The following MRPL48 variants were observed in gnomAD, a reference collection of about 807,000 sequenced individuals.
The protein encoded by MRPL48 is mitochondrial ribosomal protein L48, also known as large ribosomal subunit protein mL48.
A neutral mutation model predicts 32.9 loss-of-function variants in MRPL48; 16 were observed. That is an observed-to-expected ratio of 0.49 (90% CI 0.33 to 0.74). MRPL48 has a LOEUF of 0.74. MRPL48 is among the 30% of genes least tolerant of loss of function. The pLI, the probability that MRPL48 is intolerant of heterozygous loss-of-function variation, is 0.02. For synonymous variants in MRPL48, 94 were observed against 89.2 expected (o/e 1.05, Z -0.31); for missense variants, 206 against 245.3 (o/e 0.84, Z 1.07).
intron 1 of MRPL48, among the ~76,000 whole-genome samples, chr11:73,793,455 A>G (rs1420520285): frequency 1.3e-5 from 2 of 152,236 alleles, no homozygotes; most frequent in African/African-American, 2.4e-5. Context: ...AGGGTGCTAT[A>G]TGACTGTGTA....
Position 73,836,039 on chromosome 11 carries a change from T to C in MRPL48, c.202-8768T>C, listed in dbSNP as rs957234644. On this transcript the variant is annotated intron_variant, in intron 4 of 7. Coordinates refer to ENST00000310614, the MANE Select transcript of MRPL48 (RefSeq NM_016055.6). ...ACCTTTTCCTCCTGGGTTCAAGCAA[T>C]TCTTGTGCCTCGGTTTCCTGAGTAG... 7.9e-5 allele frequency among the ~76,000 whole-genome samples: 12 copies of C among 152,070 alleles called. 1 individual carries two copies. The highest frequency in any genetic ancestry group is 7.2e-4 in the Admixed American group (11 of 15,276).
chr11:73,807,360 C>T (rs1466583048), intron 2 of MRPL48, among the ~76,000 whole-genome samples: 1 of 149,714 alleles, frequency 6.7e-6, no homozygotes, highest in African/African-American at 2.5e-5. Context: ...TTATTGAGGG[C>T]TTTCTCCCTT....
intron 4 of MRPL48, among the ~76,000 whole-genome samples, chr11:73,828,580 G>T (rs1947941583): frequency 6.6e-6 from 1 of 152,132 alleles, no homozygotes; most frequent in South Asian, 2.1e-4. Flanking sequence ...CTCAGAGGGA[G>T]CTGTTAAACC....
intron 2 of MRPL48, among the ~76,000 whole-genome samples, chr11:73,807,987 T>G (rs1947489020): frequency 6.6e-6 from 1 of 152,158 alleles, no homozygotes. Flanking sequence ...ACCTCCCTAG[T>G]AGGAGTGACC....
rs1200117981 is a variant in MRPL48 at position 73,865,011 on chromosome 11, T to A, written c.*641T>A. ...TTTTACCATGTTAGCCAAGATGGTCTCGATCTCCTGACCTCGTGATCCGCC... is the reference window on the plus strand; with the variant it reads ...TTTTACCATGTTAGCCAAGATGGTCACGATCTCCTGACCTCGTGATCCGCC... On this transcript the variant is annotated 3_prime_UTR_variant, in exon 8 of 8. Transcript: ENST00000310614. 1 of 152,602 alleles carries A rather than the reference T, an allele frequency of 6.6e-6. No homozygotes were observed. Among genetic ancestry groups the A allele is most frequent in the Admixed American group, 6.5e-5 (1 of 15,292 alleles). The allele number at this position is 152,602 out of a possible 1,614,324, so 9.5% of individuals were successfully genotyped here.
chr11:73,840,819 AT>A (rs1271092030), intron 4 of MRPL48, among the ~76,000 whole-genome samples: 3 of 152,150 alleles, frequency 2.0e-5, no homozygotes, highest in African/African-American at 7.2e-5. Flanking sequence ...TCACAAAAAA[AT>A]AAAATAAAAT....
chr11:73,814,993 C>CATAAATAAATAA (rs142219300), intron 3 of MRPL48, among the ~76,000 whole-genome samples: 2,877 of 149,116 alleles, frequency 0.019, 29 homozygotes, highest in African/African-American at 0.028. Context: ...GACTTGGTCT[C>CATAAATAAATAA]ATAAATAAAT....
intron 1 of MRPL48, among the ~76,000 whole-genome samples, chr11:73,801,405 C>G (rs538745762): frequency 6.6e-6 from 1 of 152,072 alleles, no homozygotes; most frequent in Admixed American, 6.6e-5. Context: ...TCCTGGGGCC[C>G]CAGTTTCCTA....
chr11:73,816,933 C>A (rs1237740572), intron 3 of MRPL48, among the ~76,000 whole-genome samples: 3 of 151,712 alleles, frequency 2.0e-5, no homozygotes, highest in African/African-American at 7.3e-5. Context: ...TCAAGTGATT[C>A]TCCTGCCTCA....
chr11:73,794,550 C>T (rs1947214345), intron 1 of MRPL48, among the ~76,000 whole-genome samples: 1 of 142,634 alleles, frequency 7.0e-6, no homozygotes, highest in African/African-American at 2.6e-5. Flanking sequence ...AGTGAAACTC[C>T]ATCTCTGGAA....
chr11:73,851,867 C>A (rs1314483934), intron 5 of MRPL48, among the ~76,000 whole-genome samples: 5 of 151,800 alleles, frequency 3.3e-5, no homozygotes, highest in African/African-American at 1.2e-4. Flanking sequence ...GTGAGCACTG[C>A]ATTAGACATT....
intron 1 of MRPL48, among the ~76,000 whole-genome samples, chr11:73,790,044 C>T (rs1590921598): frequency 6.7e-6 from 1 of 149,980 alleles, no homozygotes; most frequent in South Asian, 2.1e-4. Context: ...TACAGGTGTA[C>T]ACCACCATGC....
At chr11:73,826,562 T>G (rs1947893482) in intron 4 of MRPL48, among the ~76,000 whole-genome samples, 1 of 152,096 alleles carries the variant, frequency 6.6e-6, no homozygotes, top group Admixed American at 6.6e-5. Context: ...CACTGCAACC[T>G]TTGGCTCCCG....
chr11:73,800,089 C>T (rs60345105), intron 1 of MRPL48, among the ~76,000 whole-genome samples: 1,682 of 152,010 alleles, frequency 0.011, 25 homozygotes, highest in African/African-American at 0.036. Flanking sequence ...AATGCCCCAT[C>T]AGAGAGGGTT....
intron 4 of MRPL48, among the ~76,000 whole-genome samples, chr11:73,837,756 TC>T (rs1285608373): frequency 3.3e-5 from 5 of 152,172 alleles, no homozygotes; most frequent in African/African-American, 1.2e-4. Context: ...TCTCCTAACT[TC>T]CTTTCCTTTC....
chr11:73,805,974 C>T (rs1046624230), intron 2 of MRPL48, among the ~76,000 whole-genome samples: 3 of 152,004 alleles, frequency 2.0e-5, no homozygotes, highest in African/African-American at 7.2e-5. Context: ...CAGTTTTTGC[C>T]TCATGCTTTC....
At chr11:73,809,523 TA>T (rs1039944918) in intron 3 of MRPL48, among the ~76,000 whole-genome samples, 5 of 149,770 alleles carry the variant, frequency 3.3e-5, no homozygotes, top group African/African-American at 1.2e-4. Flanking sequence ...AAAAAAAAGA[TA>T]AAATGCTCAA....
chr11:73,860,727 A>T (rs1182512531), intron 6 of MRPL48, among the ~76,000 whole-genome samples: 4 of 152,252 alleles, frequency 2.6e-5, no homozygotes, highest in Non-Finnish European at 4.4e-5. Context: ...TATAATGGAC[A>T]TATCATACAA....
At chr11:73,843,510 C>T (rs1948230601) in intron 4 of MRPL48, 1 of 152,138 alleles carries the variant, frequency 6.6e-6, no homozygotes, top group Non-Finnish European at 1.5e-5. Context: ...AGGCATGAGC[C>T]ATCACGCCCG....
Sources: gnomAD v4.1 joint callset for allele counts (sites outside exome capture counted in the v4.1 genomes callset) on GRCh38, gnomAD v4.1.1 for gene constraint, MANE v1.5 for transcripts, NCBI Gene and HGNC (gene_info 2026-07-23, HGNC 2026-07-21) for gene names.